PARD3: variants seen among roughly 807,000 people sequenced by gnomAD.
PARD3 encodes partitioning defective 3 homolog.
PARD3 carries 75 observed loss-of-function variants against 155.4 expected under a neutral mutation model. That is an observed-to-expected ratio of 0.48 (90% CI 0.40 to 0.58). The LOEUF (loss-of-function observed/expected upper bound fraction) is 0.58. Among genes scored for constraint, PARD3 ranks in the 20% least tolerant of loss-of-function variants. The pLI, the probability that PARD3 is intolerant of heterozygous loss-of-function variation, is 0.00. For missense variants in PARD3, 1,642 were observed against 1,721.7 expected (o/e 0.95, Z 0.82); for synonymous variants, 576 against 610.5 (o/e 0.94, Z 0.83).
rs150988491 is a variant in PARD3, at chr10:34,806,709, G to T, written c.120+8167C>A. Among the ~76,000 whole-genome samples the T allele has an allele frequency of 1.1e-4, 16 of 152,284 alleles. No individual in the cohort carries two copies. In the East Asian group the frequency reaches 2.7e-3, roughly 26 times the overall value. The stretch of plus-strand genomic sequence containing the variant: ...GCAAGCCCCGTCATTTCAAAGTTGG[G>T]GGGGTCGGGGTGAGGCAAAATATTC... On this transcript the variant is annotated intron_variant, in intron 1 of 24. Coordinates refer to ENST00000374788, the MANE Select transcript of PARD3 (RefSeq NM_001184785.2).
chr10:34,519,667 A>T (rs1276036852), intron 2 of PARD3, among the ~76,000 whole-genome samples: 2 of 152,008 alleles, frequency 1.3e-5, no homozygotes, highest in Non-Finnish European at 2.9e-5. Context: ...ATAAAAAATT[A>T]GCCAGGTGTG....
intron 3 of PARD3, among the ~76,000 whole-genome samples, chr10:34,500,467 C>T (rs2080611657): frequency 6.6e-6 from 1 of 152,164 alleles, no homozygotes; most frequent in Admixed American, 6.5e-5. Flanking sequence ...ATAGGCCAGG[C>T]ACGGTGGCTC....
intron 4 of PARD3, among the ~76,000 whole-genome samples, chr10:34,463,895 A>G (rs1019833628): frequency 2.0e-5 from 3 of 152,208 alleles, no homozygotes; most frequent in African/African-American, 7.2e-5. Flanking sequence ...ATAGGTTTCC[A>G]GCCTAGAAGA....
intron 15 of PARD3, among the ~76,000 whole-genome samples, chr10:34,347,223 T>C (rs1290902595): frequency 6.6e-6 from 1 of 152,254 alleles, no homozygotes; most frequent in African/African-American, 2.4e-5. Flanking sequence ...GTGTTTTAAA[T>C]TTGAAAACTC....
chr10:34,800,837 G>A (rs1286935239), intron 1 of PARD3, among the ~76,000 whole-genome samples: 1 of 152,062 alleles, frequency 6.6e-6, no homozygotes, highest in Non-Finnish European at 1.5e-5. Context: ...AAGAGCTTTC[G>A]ATCATGAGTC....
intron 2 of PARD3, among the ~76,000 whole-genome samples, chr10:34,566,520 TG>T (rs1259237055): frequency 1.3e-5 from 2 of 152,198 alleles, no homozygotes; most frequent in East Asian, 3.8e-4. Context: ...AAATGCAGCC[TG>T]AACAGCTGAC....
intron 2 of PARD3, among the ~76,000 whole-genome samples, chr10:34,630,029 C>T (rs560558843): frequency 3.3e-5 from 5 of 152,112 alleles, no homozygotes; most frequent in Non-Finnish European, 7.4e-5. Context: ...CTGATGAAAA[C>T]GTGTAGCCCC....
intron 2 of PARD3, among the ~76,000 whole-genome samples, chr10:34,541,260 G>T (rs549761177): frequency 2.6e-5 from 4 of 152,228 alleles, no homozygotes; most frequent in African/African-American, 7.2e-5. Flanking sequence ...ATTTGTATAA[G>T]AAACACAAAT....
chr10:34,518,986 T>C (rs1050181837), intron 2 of PARD3, among the ~76,000 whole-genome samples: 29 of 152,206 alleles, frequency 1.9e-4, no homozygotes, highest in African/African-American at 6.5e-4. Flanking sequence ...CTGGGAAGTA[T>C]ATAACATTAC....
chr10:34,727,984 A>T (rs2094749259), intron 1 of PARD3, among the ~76,000 whole-genome samples: 1 of 152,074 alleles, frequency 6.6e-6, no homozygotes, highest in Non-Finnish European at 1.5e-5. Flanking sequence ...GATATCTGAC[A>T]AGCAACATTC....
Position 34,497,247 on chromosome 10 carries a change from A to T in PARD3, c.403+19732T>A, listed in dbSNP as rs551218727. 3.3e-5 allele frequency among the ~76,000 whole-genome samples: 5 copies of T among 152,344 alleles called. No homozygotes were observed. The East Asian group carries it at 9.6e-4, about 29-fold the overall frequency. On this transcript the variant is annotated intron_variant, in intron 3 of 24. Coordinates refer to ENST00000374788, the MANE Select transcript of PARD3 (RefSeq NM_001184785.2). ...TGAAAATACTTGAAAAAGAAAATAAAAATAACAAATAATGCAAAAATTAAA... is the reference window on the plus strand; with the variant it reads ...TGAAAATACTTGAAAAAGAAAATAATAATAACAAATAATGCAAAAATTAAA...
intron 1 of PARD3, among the ~76,000 whole-genome samples, chr10:34,740,164 A>G (rs2094983554): frequency 6.6e-6 from 1 of 152,134 alleles, no homozygotes; most frequent in Non-Finnish European, 1.5e-5. Context: ...CAAGACGAAA[A>G]AGAGGCAGTC....
intron 22 of PARD3, among the ~76,000 whole-genome samples, chr10:34,133,593 G>A (rs895722150): frequency 1.3e-5 from 2 of 152,128 alleles, no homozygotes; most frequent in African/African-American, 4.8e-5. Context: ...TGTTGCCCTG[G>A]TTACTCAGTG....
intron 22 of PARD3, among the ~76,000 whole-genome samples, chr10:34,196,786 G>A (rs1317992183): frequency 2.6e-5 from 4 of 151,914 alleles, no homozygotes; most frequent in Admixed American, 2.6e-4. Context: ...TGTTAGCCAG[G>A]ATGGTCTCTA....
chr10:34,383,237 G>A (rs1286220091), intron 8 of PARD3, among the ~76,000 whole-genome samples: 1 of 151,952 alleles, frequency 6.6e-6, no homozygotes, highest in Non-Finnish European at 1.5e-5. Context: ...TTCAATAATA[G>A]AAACCAAATG....
chr10:34,490,988 G>A (rs553210889), intron 3 of PARD3, among the ~76,000 whole-genome samples: 11 of 152,174 alleles, frequency 7.2e-5, no homozygotes, highest in Non-Finnish European at 1.6e-4. Flanking sequence ...GAGAATTATT[G>A]CTCTAGAAGA....
intron 2 of PARD3, among the ~76,000 whole-genome samples, chr10:34,527,541 A>C (rs2082564024): frequency 6.6e-6 from 1 of 152,222 alleles, no homozygotes; most frequent in Non-Finnish European, 1.5e-5. Context: ...AAAAAAGAAG[A>C]AAGTAGAACT....
intron 1 of PARD3, among the ~76,000 whole-genome samples, chr10:34,788,423 T>A (rs1219441791): frequency 3.3e-5 from 5 of 149,436 alleles, no homozygotes; most frequent in Non-Finnish European, 7.4e-5. Context: ...AGCCACTGCC[T>A]ACCTGGGCCA....
At chr10:34,504,163 T>C (rs1460439813) in intron 3 of PARD3, among the ~76,000 whole-genome samples, 5 of 151,932 alleles carry the variant, frequency 3.3e-5, no homozygotes, top group Non-Finnish European at 1.5e-5. Flanking sequence ...GGGGTCTCAC[T>C]CTGCCACCTA....
Sources: gnomAD v4.1 joint callset for allele counts (sites outside exome capture counted in the v4.1 genomes callset) on GRCh38, gnomAD v4.1.1 for gene constraint, MANE v1.5 for transcripts, NCBI Gene and HGNC (gene_info 2026-07-23, HGNC 2026-07-21) for gene names.